The following IRAG2 variants were observed in gnomAD, a reference collection of about 807,000 sequenced individuals.
IRAG2 encodes the protein inositol 1,4,5-triphosphate receptor associated 2, also known as lymphoid restricted membrane protein.
IRAG2 carries 45 observed loss-of-function variants against 69.9 expected under a neutral mutation model. The observed-to-expected ratio is 0.64, with a 90% CI of 0.51 to 0.83. IRAG2 has a LOEUF of 0.83. Among genes scored for constraint, IRAG2 ranks in the 40% least tolerant of loss-of-function variants. The probability of loss-of-function intolerance (pLI) is 0.00; values close to 1 mark genes in which losing one functional copy is unlikely to be tolerated. For synonymous variants in IRAG2, 193 were observed against 202.4 expected (o/e 0.95, Z 0.40); for missense variants, 520 against 587.0 (o/e 0.89, Z 1.18).
At chr12:25,032,369 C>T (rs538160256) in exon 12 of IRAG2, 40 of 399,052 alleles carry the variant, frequency 1.0e-4, no homozygotes, top group African/African-American at 2.7e-4. Flanking sequence ...GCACTCATCA[C>T]GTAAGTAGAG....
rs1944674125 is a variant in IRAG2, at chr12:25,032,271, A to G, written c.1579-34A>G. Reference sequence around the variant, plus strand: ...TTAAATGTAAATTCCCCACTAGAGTAACATGTACAGCCTAATGTTGTGTGC... The same window carrying G: ...TTAAATGTAAATTCCCCACTAGAGTGACATGTACAGCCTAATGTTGTGTGC... On this transcript the variant is annotated intron_variant, in intron 11 of 38. Transcript: ENST00000636465. 7.5e-6 allele frequency: 3 copies of G among 399,092 alleles called. No individual in the cohort carries two copies. In the East Asian group the frequency reaches 1.1e-4, roughly 14 times the overall value. 24.7% of individuals were successfully genotyped at this position (399,092 alleles called of 1,614,324 possible). A position where few individuals can be genotyped will look rare whatever the true frequency, so the allele number is the denominator to read the frequency against.
intron 16 of IRAG2, among the ~76,000 whole-genome samples, chr12:25,045,426 A>G (rs533021957): frequency 6.6e-6 from 1 of 152,206 alleles, no homozygotes; most frequent in East Asian, 1.9e-4. Context: ...TTTAAAATAG[A>G]AAAGCAATTA....
intron 1 of IRAG2, among the ~76,000 whole-genome samples, chr12:25,060,777 C>T (rs542460620): frequency 2.7e-5 from 4 of 150,076 alleles, no homozygotes; most frequent in African/African-American, 9.8e-5. Context: ...TCTCCTGCCT[C>T]AGCCTCCCAA....
chr12:25,073,206 T>C (rs1946445130), intron 6 of IRAG2, among the ~76,000 whole-genome samples: 1 of 152,246 alleles, frequency 6.6e-6, no homozygotes, highest in Non-Finnish European at 1.5e-5. Flanking sequence ...TTTCTTGTCA[T>C]CTGTATGCTG....
intron 3 of IRAG2, among the ~76,000 whole-genome samples, chr12:25,012,143 CCTTTTTTT>C (rs1327553243): frequency 0.2 from 4,750 of 23,982 alleles, 331 homozygotes; most frequent in Middle Eastern, 0.3. Flanking sequence ...AAGCGAATTC[CCTTTTTTT>C]TTTTTTTTTT....
intron 10 of IRAG2, among the ~76,000 whole-genome samples, chr12:25,085,546 G>C (rs1947527280): frequency 6.6e-6 from 1 of 152,138 alleles, no homozygotes; most frequent in South Asian, 2.1e-4. Flanking sequence ...CTTGTGTTGT[G>C]TGCCCACTAA....
At position 25,062,894 on chromosome 12, in the gene IRAG2, A is replaced by G. The variant is rs1026808037; in HGVS notation, c.-310A>G. On this transcript the variant is annotated 5_prime_UTR_variant, in exon 3 of 22. Transcript: ENST00000556887. ...ATGCAATTCAACAACCTCTTCAAGA[A>G]AAATTGGTAATTGCGAGCTTTTTGA... 2.5e-6 allele frequency: 1 copy of G among 399,014 alleles called. No individual in the cohort carries two copies. The highest frequency in any genetic ancestry group is 2.1e-5 in the African/African-American group (1 of 48,770). The allele number at this position is 399,014 out of a possible 1,614,324, so 24.7% of individuals were successfully genotyped here.
intron 1 of IRAG2, 28 bp from the exon 2 acceptor site, chr12:25,061,564 T>G: frequency 2.5e-6 from 1 of 398,544 alleles, no homozygotes; most frequent in East Asian, 3.6e-5. Flanking sequence ...AATGGTCATA[T>G]TGAGCTGGTT....
intron 9 of IRAG2, among the ~76,000 whole-genome samples, chr12:25,082,405 C>A (rs1409799711): frequency 2.0e-5 from 3 of 151,812 alleles, no homozygotes; most frequent in Non-Finnish European, 2.9e-5. Flanking sequence ...TCAAGACCAG[C>A]CTGGGCAACA....
intron 17 of IRAG2, chr12:25,102,974 C>G (rs1361330815): frequency 6.6e-6 from 1 of 152,106 alleles, no homozygotes; most frequent in Non-Finnish European, 1.5e-5. Context: ...AAGAGAAACA[C>G]AGAAGTTAAG....
chr12:25,000,396 G>A (rs1386020328), upstream of IRAG2, among the ~76,000 whole-genome samples: 3 of 152,104 alleles, frequency 2.0e-5, no homozygotes, highest in African/African-American at 4.8e-5. Context: ...CCAGTGAGCC[G>A]AGATTGTGCC....
upstream of IRAG2, chr12:25,052,246 T>C (rs1591942681): frequency 9.9e-6 from 3 of 304,358 alleles, no homozygotes; most frequent in African/African-American, 2.6e-5. Context: ...CAGAAACAAC[T>C]AGAAGCCATT....
At chr12:25,066,312 T>C (rs945221829) in intron 4 of IRAG2, 53 bp from the exon 5 acceptor site, 3 of 400,304 alleles carry the variant, frequency 7.5e-6, no homozygotes, top group Non-Finnish European at 1.3e-5. Context: ...TGCTTCAATA[T>C]AGTTTGAACC....
intron 6 of IRAG2, among the ~76,000 whole-genome samples, chr12:25,074,504 T>A (rs1263236223): frequency 6.6e-6 from 1 of 152,336 alleles, no homozygotes; most frequent in African/African-American, 2.4e-5. Context: ...TGCAGTTCTT[T>A]TGGTTTGTTG....
At chr12:25,004,040 C>A (rs1036428464), upstream of IRAG2, among the ~76,000 whole-genome samples, 1 of 152,094 alleles carries the variant, frequency 6.6e-6, no homozygotes, top group African/African-American at 2.4e-5. Context: ...ACGTTTATCT[C>A]AAAGAGTTGT....
intron 14 of IRAG2, among the ~76,000 whole-genome samples, chr12:25,090,629 T>C (rs1947977660): frequency 6.6e-6 from 1 of 152,204 alleles, no homozygotes; most frequent in Admixed American, 6.5e-5. Flanking sequence ...ATTACTTGTA[T>C]GACCCAAACC....
intron 2 of IRAG2, chr12:25,006,548 A>T (rs1394677900): frequency 6.6e-6 from 1 of 152,262 alleles, no homozygotes; most frequent in Non-Finnish European, 1.5e-5. Context: ...AGCCAAAAAA[A>T]CAAACAAGAT....
intron 1 of IRAG2, among the ~76,000 whole-genome samples, chr12:25,058,958 G>T (rs1316440127): frequency 6.6e-6 from 1 of 152,188 alleles, no homozygotes; most frequent in African/African-American, 2.4e-5. Flanking sequence ...GGAAATAGTT[G>T]CTATGCATTG....
intron 20 of IRAG2, among the ~76,000 whole-genome samples, chr12:25,104,942 G>C (rs1948954432): frequency 6.6e-6 from 1 of 151,892 alleles, no homozygotes; most frequent in African/African-American, 2.4e-5. Flanking sequence ...TGCTATCTCT[G>C]TATCTAGTAA....
Sources: gnomAD v4.1 joint callset for allele counts (sites outside exome capture counted in the v4.1 genomes callset) on GRCh38, gnomAD v4.1.1 for gene constraint, MANE v1.5 for transcripts, NCBI Gene and HGNC (gene_info 2026-07-23, HGNC 2026-07-21) for gene names.